The following SCYL1 variants were observed in gnomAD, a reference collection of about 807,000 sequenced individuals.
The protein encoded by SCYL1 is SCY1 like pseudokinase 1, also known as N-terminal kinase-like protein.
In SCYL1, 85 loss-of-function variants were observed where a neutral mutation model predicts 94.8. The observed-to-expected ratio is 0.90, with a 90% CI of 0.75 to 1.07. The LOEUF is 1.07. Among genes scored for constraint, SCYL1 ranks in the 50% least tolerant of loss-of-function variants. The pLI is 0.00. For missense variants in SCYL1, 968 were observed against 1,083.3 expected, an observed-to-expected ratio of 0.89 and a Z score of 1.49; for synonymous variants, 459 against 435.5, an observed-to-expected ratio of 1.05 and a Z score of -0.67.
chr11:65,531,504 A>T, intron 7 of SCYL1, 72 bp from the exon 8 acceptor site: 1 of 1,158,916 alleles, frequency 8.6e-7, no homozygotes, highest in Non-Finnish European at 1.3e-6. Flanking sequence ...TATCAGCCCC[A>T]GGAATTTAGA....
intron 9 of SCYL1, chr11:65,533,312 C>G (rs1855479237): frequency 6.4e-6 from 1 of 157,270 alleles, no homozygotes; most frequent in Non-Finnish European, 1.4e-5. Context: ...ATCCCAGCTA[C>G]TCGGGAGGCT....
chr11:65,531,747 C>T, intron 8 of SCYL1, 64 bp downstream of exon 8: 1 of 1,255,918 alleles, frequency 8.0e-7, no homozygotes, highest in South Asian at 1.2e-5. Flanking sequence ...GCTGGGGAGG[C>T]ACCTGCCCTG....
At chr11:65,535,829 T>G in intron 10 of SCYL1, 124 bp from the exon 11 acceptor site, 4 of 924,004 alleles carry the variant, frequency 4.3e-6, no homozygotes, top group Non-Finnish European at 6.5e-6. Context: ...ATTTAAGTGA[T>G]TCATTCATAT....
In SCYL1 at chr11:65,530,713, A is replaced by G. The variant is rs1462311122; in HGVS notation, c.934A>G (p.Lys312Glu). The G allele has an allele frequency of 1.2e-6, 2 of 1,614,048 alleles. No individual in the cohort carries two copies. Among genetic ancestry groups the G allele is most frequent in the Non-Finnish European group, 1.7e-6 (2 of 1,180,014 alleles). Residue 312 changes from lysine to glutamate, a missense_variant, in exon 7 of 18, where the codon AAG becomes GAG. By Grantham distance (56) the Lys-to-Glu change is moderately conservative. Transcript: ENST00000270176. The stretch of plus-strand genomic sequence containing the variant: ...ATTCCCTGAGGATTTCTGTCGGCAC[A>G]AGGTGCTGCCCCAGCTGCTGACCGC... ...DAFPEDFCRH[K>E]VLPQLLTAFE...
In SCYL1 at chr11:65,536,089, T is replaced by G; in HGVS notation, c.1523T>G (p.Leu508Arg). The G allele has an allele frequency of 6.2e-7, 1 of 1,614,236 alleles. No homozygotes were observed. The highest frequency in any genetic ancestry group is 8.5e-7 in the Non-Finnish European group (1 of 1,180,026). ...YSMNDCAQKI[L>R]PVLCGLTVDP... is the part of the protein sequence containing the mutation. ...ATGAACGACTGTGCCCAGAAGATCC[T>G]GCCTGTGCTCTGCGGTCTCACTGTA... Residue 508 changes from leucine to arginine, a missense_variant, in exon 11 of 18, where the codon CTG becomes CGG. By Grantham distance (102) the Leu-to-Arg change is moderately radical. Coordinates refer to ENST00000270176, the MANE Select transcript of SCYL1 (RefSeq NM_020680.4).
chr11:65,526,106 G>A lies in SCYL1; in HGVS notation c.376-18G>A, dbSNP rs1268516813. ...GGGGTTGCAGGTGCTGGGGCGTGAT[G>A]GCTCCTTTTGCCCCCAGAAAGCCCT... On this transcript the variant is annotated intron_variant, in intron 3 of 17. Transcript: ENST00000270176. This position sits in a 1 kb window ranked among gnomAD's most constrained non-coding sequence, Gnocchi z 4.1. 6.2e-7 allele frequency: 1 copy of A among 1,612,444 alleles called. No homozygotes were observed. Among genetic ancestry groups the A allele is most frequent in the African/African-American group, 1.3e-5 (1 of 74,912 alleles).
rs1265938303 is a variant in SCYL1, at chr11:65,536,860, CTGGGTAGGCT to C, written c.1816+111_1817-116del. 1.2e-5 allele frequency: 17 copies of C among 1,369,466 alleles called. No homozygotes were observed. In the East Asian group the frequency reaches 3.9e-4, roughly 32 times the overall value. 84.8% of individuals were successfully genotyped at this position (1,369,466 alleles called of 1,614,324 possible). A position where few individuals can be genotyped will look rare whatever the true frequency, so the allele number is the denominator to read the frequency against. ...GGGGATGGTGAAGGGGATATAGGAG[CTGGGTAGGCT>C]CCAGTCACCCTGTGGGCTTCCTTGG... On this transcript the variant is annotated intron_variant, in intron 13 of 17. Coordinates refer to ENST00000270176, the MANE Select transcript of SCYL1 (RefSeq NM_020680.4).
At position 65,526,257 on chromosome 11, in the gene SCYL1, G is replaced by A; in HGVS notation, c.509G>A (p.Gly170Asp). Reference sequence around the variant, plus strand: ...TACATGTATTCGGCCCAGGGCAACGGTGGGGGACCTCCCCGCAAGGGGATC... The same window carrying A: ...TACATGTATTCGGCCCAGGGCAACGATGGGGGACCTCCCCGCAAGGGGATC... ...LDYMYSAQGN[G>D]GGPPRKGIPE... is the part of the protein sequence containing the mutation. The change falls in exon 4 of 18, where the codon GGT (glycine) becomes GAT (aspartate). Residue 170 changes from glycine to aspartate, a missense_variant. Physicochemically the swap from Gly to Asp is moderately conservative, Grantham distance 94. Coordinates refer to ENST00000270176, the MANE Select transcript of SCYL1 (RefSeq NM_020680.4). The surrounding 1 kb of genome is among the most constrained non-coding windows in gnomAD (Gnocchi z 4.1). The A allele has an allele frequency of 1.2e-6, 2 of 1,613,212 alleles. No individual in the cohort carries two copies. The highest frequency in any genetic ancestry group is 2.2e-5 in the South Asian group (2 of 91,088).
chr11:65,537,849 G>T lies in SCYL1; in HGVS notation c.2000G>T (p.Ser667Ile), dbSNP rs748057840. 4.4e-6 allele frequency: 7 copies of T among 1,574,580 alleles called. No individual in the cohort carries two copies. In the Admixed American group the frequency reaches 9.4e-5, roughly 21 times the overall value. Residue 667 changes from serine (S) to isoleucine (I), a missense_variant, in exon 15 of 18, where the codon AGC becomes ATC. This residue lies in a region of SCYL1 where 474 missense variants were observed against 463.6 expected (regional missense o/e 1.02). Transcript: ENST00000270176. ...GTGCTGGCCCAGCAGGACGACTGGA[G>T]CACCGGGGGCCAAGTGAGCCGTGCT... The part of the protein sequence containing the change: ...ESVLAQQDDW[S>I]TGGQVSRASQ...
At chr11:65,531,293 C>T (rs182677740) in intron 7 of SCYL1, among the ~76,000 whole-genome samples, 17 of 152,250 alleles carry the variant, frequency 1.1e-4, no homozygotes, top group African/African-American at 2.2e-4. Flanking sequence ...AGCTGAGAAC[C>T]CCCAGAAATT....
chr11:65,530,513 C>A, intron 6 of SCYL1, 116 bp from the exon 7 acceptor site: 2 of 1,207,358 alleles, frequency 1.7e-6, no homozygotes, highest in Non-Finnish European at 2.3e-6. Context: ...CCCAGGCAGC[C>A]AGGCTCCAGA....
chr11:65,529,242 C>T (rs1243289860), intron 6 of SCYL1, among the ~76,000 whole-genome samples: 7 of 152,160 alleles, frequency 4.6e-5, no homozygotes, highest in Admixed American at 3.9e-4. Context: ...GAAGGAGAAG[C>T]TGCTGGAAAC....
chr11:65,537,716 C>A, intron 14 of SCYL1, 93 bp from the exon 15 acceptor site: 1 of 1,120,408 alleles, frequency 8.9e-7, no homozygotes, highest in Non-Finnish European at 1.3e-6. Flanking sequence ...AGGCAAAAGA[C>A]AGTGGTGGGG....
intron 6 of SCYL1, among the ~76,000 whole-genome samples, chr11:65,530,314 C>T (rs1855301019): frequency 6.6e-6 from 1 of 152,242 alleles, no homozygotes; most frequent in Non-Finnish European, 1.5e-5. Flanking sequence ...CTAGTGGCTG[C>T]TCTCCCAGCA....
At chr11:65,535,474 T>A in intron 10 of SCYL1, 92 bp downstream of exon 10, 1 of 1,502,322 alleles carries the variant, frequency 6.7e-7, no homozygotes. Flanking sequence ...GGGGCCTTCA[T>A]TCTCCCAGAG....
chr11:65,530,668 C>G lies in SCYL1; in HGVS notation c.889C>G (p.Leu297Val). Residue 297 changes from leucine (L) to valine (V), a missense_variant, in exon 7 of 18, where the codon CTG (leucine) becomes GTG (valine). Coordinates refer to ENST00000270176, the MANE Select transcript of SCYL1 (RefSeq NM_020680.4). The part of the protein sequence containing the change: ...PAEKQKFFQE[L>V]SKSLDAFPED... The stretch of plus-strand genomic sequence containing the variant: ...CGAGAAGCAAAAATTCTTCCAGGAG[C>G]TGAGCAAGAGCCTGGACGCATTCCC... 6.2e-7 allele frequency: 1 copy of G among 1,613,936 alleles called. No individual in the cohort carries two copies. The highest frequency in any genetic ancestry group is 8.5e-7 in the Non-Finnish European group (1 of 1,179,936).
chr11:65,528,297 C>T lies in SCYL1; in HGVS notation c.849+1180C>T, dbSNP rs145335821. ...CTCTACTAAAAGTACAAAAATTAGC[C>T]GGGAGTGGTGGCACATGCCTGTAAT... is the stretch of plus-strand genomic sequence containing the variant. On this transcript the variant is annotated intron_variant, in intron 6 of 17. Transcript: ENST00000270176. 7.3e-3 allele frequency among the ~76,000 whole-genome samples: 1,105 copies of T among 151,854 alleles called. 11 individuals carry two copies. Among genetic ancestry groups the T allele is most frequent in the African/African-American group, 0.025 (1,054 of 41,380 alleles).
At chr11:65,528,847 G>T (rs1184761151) in intron 6 of SCYL1, among the ~76,000 whole-genome samples, 1 of 152,194 alleles carries the variant, frequency 6.6e-6, no homozygotes, top group African/African-American at 2.4e-5. Context: ...TGTGACATTG[G>T]AGCTGGGGCC....
At position 65,526,084 on chromosome 11, in the gene SCYL1, G is replaced by C. The variant is rs777912052; in HGVS notation, c.376-40G>C. On this transcript the variant is annotated intron_variant, in intron 3 of 17. Transcript: ENST00000270176. This position sits in a 1 kb window ranked among gnomAD's most constrained non-coding sequence, Gnocchi z 4.1. ...GTGGTGATGAGAGCAGGGATGGGGG[G>C]TTGCAGGTGCTGGGGCGTGATGGCT... is the stretch of plus-strand genomic sequence containing the variant. The C allele has an allele frequency of 1.2e-6, 2 of 1,610,740 alleles. No individual in the cohort carries two copies. The highest frequency in any genetic ancestry group is 8.5e-7 in the Non-Finnish European group (1 of 1,178,170).
Sources: allele counts gnomAD v4.1 joint callset (sites outside exome capture counted in the v4.1 genomes callset), GRCh38; gene constraint gnomAD v4.1.1; regional missense constraint gnomAD v4.1.1; non-coding constraint Gnocchi (gnomAD v3.1); transcripts MANE v1.5; gene names NCBI Gene and HGNC (gene_info 2026-07-23, HGNC 2026-07-21).